Variants in NTN1 observed in about 807,000 individuals in gnomAD.
NTN1 encodes netrin 1.
Under a neutral mutation model 54.2 loss-of-function variants are expected in NTN1, and 11 were observed. The observed-to-expected ratio is 0.20, with a 90% CI of 0.13 to 0.34. NTN1 has a LOEUF of 0.34. Ranked by LOEUF, NTN1 falls within the 10% of genes least tolerant of loss-of-function variation. The probability of loss-of-function intolerance (pLI) is 1.00; values close to 1 mark genes in which losing one functional copy is unlikely to be tolerated. For missense variants in NTN1, 740 were observed against 893.1 expected, an observed-to-expected ratio of 0.83 and a Z score of 2.18; for synonymous variants, 371 against 382.0, an observed-to-expected ratio of 0.97 and a Z score of 0.33.
At chr17:9,194,256 G>A (rs1396639268) in intron 5 of NTN1, among the ~76,000 whole-genome samples, 1 of 152,116 alleles carries the variant, frequency 6.6e-6, no homozygotes, top group Non-Finnish European at 1.5e-5. Context: ...ATTATGCAAT[G>A]TTGTGATATA....
At chr17:9,015,052 G>C in the NTN1 span, among the ~76,000 whole-genome samples, 1 of 152,200 alleles carries the variant, frequency 6.6e-6, no homozygotes, top group African/African-American at 2.4e-5. Context: ...TGTGAACTAA[G>C]GAATATCAAA....
chr17:9,175,068 G>A (rs770952452), intron 3 of NTN1: 1 of 152,304 alleles, frequency 6.6e-6, no homozygotes, highest in Non-Finnish European at 1.5e-5. Flanking sequence ...CCAGACCTCT[G>A]GATAGGAGCC....
intron 2 of NTN1, among the ~76,000 whole-genome samples, chr17:9,113,700 G>C (rs2092200075): frequency 6.6e-6 from 1 of 152,100 alleles, no homozygotes; most frequent in Non-Finnish European, 1.5e-5. Context: ...GTCATATAGG[G>C]AGAGAGTATA....
chr17:9,137,749 G>A (rs148093576), intron 2 of NTN1, among the ~76,000 whole-genome samples: 9,830 of 151,768 alleles, frequency 0.065, 1,070 homozygotes, highest in African/African-American at 0.22. Context: ...AGCCGAGATC[G>A]CGCCACTGCA....
At chr17:9,076,582 C>T (rs941250505) in intron 2 of NTN1, among the ~76,000 whole-genome samples, 2 of 152,084 alleles carry the variant, frequency 1.3e-5, no homozygotes, top group African/African-American at 2.4e-5. Flanking sequence ...CTCTATGTTG[C>T]TCAGGCTGGA....
intron 2 of NTN1, among the ~76,000 whole-genome samples, chr17:9,106,853 C>T (rs553559416): frequency 5.1e-5 from 3 of 58,598 alleles, no homozygotes; most frequent in East Asian, 1.4e-3. Flanking sequence ...GTATCTTCGC[C>T]GTCACCATCA....
chr17:9,227,462 A>G (rs1905617863), intron 6 of NTN1, among the ~76,000 whole-genome samples: 1 of 140,618 alleles, frequency 7.1e-6, no homozygotes, highest in Non-Finnish European at 1.5e-5. Context: ...ACAGACTGTC[A>G]CACACAGTCA....
chr17:9,064,963 G>A (rs577673459), intron 2 of NTN1, among the ~76,000 whole-genome samples: 27 of 152,038 alleles, frequency 1.8e-4, no homozygotes, highest in African/African-American at 5.5e-4. Flanking sequence ...TTGAGATGGC[G>A]CCTCTCTCTG....
At chr17:9,136,895 G>A (rs1010537137) in intron 2 of NTN1, among the ~76,000 whole-genome samples, 5 of 152,100 alleles carry the variant, frequency 3.3e-5, no homozygotes, top group Admixed American at 6.5e-5. Flanking sequence ...CTCCTTCCTC[G>A]TGGCAGAAAG....
In NTN1 at chr17:9,221,662, C is replaced by T. The variant is rs1905359534; in HGVS notation, c.1486+420C>T. Among the ~76,000 whole-genome samples the T allele has an allele frequency of 6.6e-6, 1 of 152,234 alleles. No homozygotes were observed. The stretch of plus-strand genomic sequence containing the variant: ...GACAAGGGCTGGGAGCTCCCCGGTG[C>T]ATTTCCAGTGTTCCGCCAGGCTGTA... On this transcript the variant is annotated intron_variant, in intron 6 of 6. Coordinates refer to ENST00000173229, the MANE Select transcript of NTN1 (RefSeq NM_004822.3). This position sits in a 1 kb window ranked among gnomAD's most constrained non-coding sequence, Gnocchi z 4.5.
At chr17:9,026,398 G>T (rs1567693111) in intron 2 of NTN1, among the ~76,000 whole-genome samples, 3 of 149,540 alleles carry the variant, frequency 2.0e-5, no homozygotes, top group East Asian at 1.9e-4. Flanking sequence ...TTCCGGGGGG[G>T]GGGAACAAAC....
At chr17:9,025,783 A>G (rs1406064949) in intron 2 of NTN1, among the ~76,000 whole-genome samples, 2 of 152,232 alleles carry the variant, frequency 1.3e-5, no homozygotes, top group Non-Finnish European at 2.9e-5. Context: ...TTTTTATGAA[A>G]AGGCCCTGTA....
In NTN1 at chr17:9,156,972, C is replaced by G. The variant is rs2092344533; in HGVS notation, c.1019-5841C>G. Among the ~76,000 whole-genome samples the G allele has an allele frequency of 2.7e-5, 4 of 149,746 alleles. No homozygotes were observed. In the South Asian group the frequency reaches 8.6e-4, roughly 32 times the overall value. On this transcript the variant is annotated intron_variant, in intron 2 of 6. Coordinates refer to ENST00000173229, the MANE Select transcript of NTN1 (RefSeq NM_004822.3). ...TGCATCCCTCCCTCCCTCCCTCCCTCCACCCACCTATCAACCCCATCCATC... is the reference window on the plus strand; with the variant it reads ...TGCATCCCTCCCTCCCTCCCTCCCTGCACCCACCTATCAACCCCATCCATC...
In NTN1 at chr17:9,221,134, T is replaced by A. The variant is rs1385395370; in HGVS notation, c.1412-34T>A. 1 of 1,472,696 alleles carries A rather than the reference T, an allele frequency of 6.8e-7. No homozygotes were observed. 91.2% of individuals were successfully genotyped at this position (1,472,696 alleles called of 1,614,324 possible). On this transcript the variant is annotated intron_variant, in intron 5 of 6. Transcript: ENST00000173229. The surrounding 1 kb of genome is among the most constrained non-coding windows in gnomAD (Gnocchi z 4.5). ...GCCTATTCATCGCCAGCCTAATTAG[T>A]TTTTGTCTGTGCTCCCCCCCCACCC...
intron 2 of NTN1, among the ~76,000 whole-genome samples, chr17:9,132,859 A>T (rs1335982299): frequency 3.3e-5 from 5 of 151,966 alleles, no homozygotes; most frequent in African/African-American, 4.8e-5. Context: ...GGGCAACAAG[A>T]GAGAAACTCT....
intron 4 of NTN1, among the ~76,000 whole-genome samples, chr17:9,180,504 C>G (rs2092415627): frequency 6.6e-6 from 1 of 152,188 alleles, no homozygotes. Context: ...CACTGAGTCT[C>G]CTGTTTCTGG....
At chr17:9,163,690 T>C (rs2092365882) in intron 3 of NTN1, among the ~76,000 whole-genome samples, 1 of 152,218 alleles carries the variant, frequency 6.6e-6, no homozygotes, top group African/African-American at 2.4e-5. Context: ...CTGCTGTTTG[T>C]TTTTCTCGTA....
chr17:9,068,830 TTTC>T (rs1426806192), intron 2 of NTN1, among the ~76,000 whole-genome samples: 21 of 152,244 alleles, frequency 1.4e-4, no homozygotes, highest in African/African-American at 3.9e-4. Context: ...AAATAGGCCT[TTTC>T]TTAAGTTAGA....
At position 9,092,319 on chromosome 17, in the gene NTN1, CTT is replaced by C. The variant is rs148786553; in HGVS notation, c.1018+68950_1018+68951del. On this transcript the variant is annotated intron_variant, in intron 2 of 6. Coordinates refer to ENST00000173229, the MANE Select transcript of NTN1 (RefSeq NM_004822.3). ...GAGAGGCCACATTTTCTTTTCTTCT[CTT>C]TTTTTTTTTTTTTTTTTTTTTGAGA... 6.7e-3 allele frequency among the ~76,000 whole-genome samples: 613 copies of C among 91,706 alleles called. 3 individuals are homozygous for C. The highest frequency in any genetic ancestry group is 0.02 in the African/African-American group (501 of 25,230). 60.2% of individuals were successfully genotyped at this position (91,706 alleles called of 152,430 possible).
Sources: gnomAD v4.1 joint callset for allele counts (sites outside exome capture counted in the v4.1 genomes callset) on GRCh38, gnomAD v4.1.1 for gene constraint, Gnocchi (gnomAD v3.1) non-coding constraint, MANE v1.5 for transcripts, NCBI Gene and HGNC (gene_info 2026-07-23, HGNC 2026-07-21) for gene names.